The following MYH7B variants were observed in gnomAD, a reference collection of about 807,000 sequenced individuals.
The protein encoded by MYH7B is myosin-7B.
MYH7B carries 205 observed loss-of-function variants against 234.5 expected under a neutral mutation model. The ratio of observed to expected loss-of-function variants is 0.87; its 90% CI spans 0.78 to 0.98. The LOEUF is 0.98. MYH7B is among the 50% of genes least tolerant of loss of function. The pLI is 0.00. For synonymous variants in MYH7B, 1,193 were observed against 1,105.0 expected (o/e 1.08, Z -1.58); for missense variants, 2,652 against 2,633.4 (o/e 1.01, Z -0.15).
At position 34,995,325 on chromosome 20, in the gene MYH7B, G is replaced by A; in HGVS notation, c.2701-11G>A. On this transcript the variant is annotated splice_polypyrimidine_tract_variant and intron_variant, in intron 27 of 44. Coordinates refer to ENST00000262873, the Ensembl canonical transcript of MYH7B. ...CTCCCCCAACCTGGCCCCGTTCCGTGTGCCCTCCAGGAGCAGGACAACCTG... is the reference window on the plus strand; with the variant it reads ...CTCCCCCAACCTGGCCCCGTTCCGTATGCCCTCCAGGAGCAGGACAACCTG... The A allele has an allele frequency of 6.2e-7, 1 of 1,609,820 alleles. No individual in the cohort carries two copies. The highest frequency in any genetic ancestry group is 8.5e-7 in the Non-Finnish European group (1 of 1,177,778).
At chr20:34,998,047 G>A (rs2082297140) in intron 32 of MYH7B, among the ~76,000 whole-genome samples, 1 of 152,094 alleles carries the variant, frequency 6.6e-6, no homozygotes, top group African/African-American at 2.4e-5. Context: ...AGGTGACTCC[G>A]CAGCTACCAT....
chr20:34,980,530 TC>T (rs748303056), intron 7 of MYH7B, 47 bp from the exon 8 acceptor site: 2 of 1,511,354 alleles, frequency 1.3e-6, no homozygotes, highest in Non-Finnish European at 1.8e-6. Flanking sequence ...AGAGCAAGAC[TC>T]CATCTCAAAA....
At chr20:34,979,328 C>T in intron 5 of MYH7B, 62 bp from the exon 6 acceptor site, 1 of 1,346,806 alleles carries the variant, frequency 7.4e-7, no homozygotes, top group Non-Finnish European at 1.0e-6. Context: ...CTTGGGAACT[C>T]CAGCTAGAAC....
chr20:34,978,117 A>C, intron 5 of MYH7B, 21 bp downstream of exon 5: 1 of 1,613,030 alleles, frequency 6.2e-7, no homozygotes, highest in Non-Finnish European at 8.5e-7. Flanking sequence ...ACAGAGGGGG[A>C]GGGGTCATAG....
intron 20 of MYH7B, 28 bp from the exon 21 acceptor site, chr20:34,989,986 G>A (rs768768756): frequency 1.7e-5 from 27 of 1,613,346 alleles, no homozygotes; most frequent in Admixed American, 1.5e-4. Context: ...TCTCCCACCC[G>A]GGCTCAGCAC....
Sources: allele counts gnomAD v4.1 joint callset (sites outside exome capture counted in the v4.1 genomes callset), GRCh38; gene constraint gnomAD v4.1.1; transcripts MANE v1.5; gene names NCBI Gene and HGNC (gene_info 2026-07-23, HGNC 2026-07-21).